Variants in COL19A1 observed in about 807,000 individuals in gnomAD.
The protein encoded by COL19A1 is collagen type XIX alpha 1 chain.
COL19A1 carries 159 observed loss-of-function variants against 190.2 expected under a neutral mutation model. The observed-to-expected ratio is 0.84, with a 90% CI of 0.73 to 0.95. The LOEUF (loss-of-function observed/expected upper bound fraction) is 0.95. Among genes scored for constraint, COL19A1 ranks in the 40% least tolerant of loss-of-function variants. The pLI, the probability that COL19A1 is intolerant of heterozygous loss-of-function variation, is 0.00. For synonymous variants in COL19A1, 509 were observed against 458.9 expected (o/e 1.11, Z -1.39); for missense variants, 1,418 against 1,431.9 (o/e 0.99, Z 0.16).
intron 42 of COL19A1, among the ~76,000 whole-genome samples, chr6:70,177,353 C>T (rs1399197014): frequency 6.6e-6 from 1 of 151,940 alleles, no homozygotes; most frequent in Non-Finnish European, 1.5e-5. Context: ...AAAGGCCCTA[C>T]AATCACCACC....
At chr6:69,984,587 T>C (rs565977223) in intron 11 of COL19A1, among the ~76,000 whole-genome samples, 162 of 152,282 alleles carry the variant, frequency 1.1e-3, no homozygotes, top group African/African-American at 3.6e-3. Flanking sequence ...TTTTTAGTCT[T>C]GTAGCTAAAT....
chr6:70,098,608 CT>C, intron 15 of COL19A1: 2 of 409,204 alleles, frequency 4.9e-6, no homozygotes, highest in Non-Finnish European at 4.7e-6. Context: ...GGTGGCAGGC[CT>C]TAGAGCCACA....
At chr6:70,125,200 G>T (rs976452835) in intron 17 of COL19A1, among the ~76,000 whole-genome samples, 1 of 152,172 alleles carries the variant, frequency 6.6e-6, no homozygotes, top group East Asian at 1.9e-4. Flanking sequence ...AATGGACCAT[G>T]TATTGAGACA....
rs896231529 is a variant in COL19A1 at position 70,067,905 on chromosome 6, C to T, written c.1171-518C>T. ...TGAAAAAAAAAGAATGTTTATTTTC[C>T]CTACCACTTTATATTATTACAAGAA... On this transcript the variant is annotated intron_variant, in intron 14 of 50. Coordinates refer to ENST00000620364, the MANE Select transcript of COL19A1 (RefSeq NM_001858.6). Among the ~76,000 whole-genome samples, 34 of 151,782 alleles carry T rather than the reference C, an allele frequency of 2.2e-4. 1 individual carries two copies. The highest frequency in any genetic ancestry group is 2.1e-4 in the South Asian group (1 of 4,814).
At chr6:70,116,493 T>G (rs1582950441) in intron 16 of COL19A1, among the ~76,000 whole-genome samples, 1 of 152,316 alleles carries the variant, frequency 6.6e-6, no homozygotes, top group East Asian at 1.9e-4. Flanking sequence ...CATAAGCCAC[T>G]ATACTCAATG....
intron 46 of COL19A1, among the ~76,000 whole-genome samples, chr6:70,185,423 T>A (rs2150291546): frequency 6.6e-6 from 1 of 152,172 alleles, no homozygotes; most frequent in South Asian, 2.1e-4. Context: ...GGAAGCAAAA[T>A]CACTGCAATT....
At chr6:69,982,465 T>C (rs930162352) in intron 11 of COL19A1, among the ~76,000 whole-genome samples, 2 of 151,864 alleles carry the variant, frequency 1.3e-5, no homozygotes, top group Non-Finnish European at 1.5e-5. Context: ...GGTCTTGAAC[T>C]CCTGACCTCG....
intron 48 of COL19A1, among the ~76,000 whole-genome samples, chr6:70,196,996 C>T (rs1767238662): frequency 6.6e-6 from 1 of 152,076 alleles, no homozygotes; most frequent in Admixed American, 6.5e-5. Context: ...AAATAATTAT[C>T]TGTTTTGCTA....
intron 14 of COL19A1, among the ~76,000 whole-genome samples, chr6:70,045,642 C>T (rs566129726): frequency 6.6e-6 from 1 of 152,292 alleles, no homozygotes; most frequent in Admixed American, 6.5e-5. Flanking sequence ...TTGCAGTTTG[C>T]ACTGTGTATG....
At chr6:70,020,207 G>A (rs74645477) in intron 11 of COL19A1, among the ~76,000 whole-genome samples, 16,494 of 151,912 alleles carry the variant, frequency 0.11, 919 homozygotes, top group East Asian at 0.2. Context: ...ATATTGCAAC[G>A]CAACACAAAA....
At chr6:70,122,030 C>A in intron 17 of COL19A1, 88 bp downstream of exon 17, 1 of 813,462 alleles carries the variant, frequency 1.2e-6, no homozygotes. Flanking sequence ...TTCCTAACTT[C>A]TCAGACTTTT....
intron 4 of COL19A1, among the ~76,000 whole-genome samples, chr6:69,921,587 CATAGATTCGTATATGTAT>C (rs1315251539): frequency 2.3e-4 from 30 of 130,484 alleles, no homozygotes; most frequent in South Asian, 1.5e-3. Flanking sequence ...TATATTCGCA[CATAGATTCGTATATGTAT>C]ATAGATTCGT....
chr6:70,178,502 G>T (rs541957717), intron 42 of COL19A1, among the ~76,000 whole-genome samples: 27 of 152,300 alleles, frequency 1.8e-4, no homozygotes, highest in African/African-American at 6.0e-4. Context: ...CCCTTCTGCG[G>T]CTCAGAAGAT....
chr6:70,103,290 C>G (rs1390563555), intron 16 of COL19A1, among the ~76,000 whole-genome samples: 1 of 152,128 alleles, frequency 6.6e-6, no homozygotes, highest in Non-Finnish European at 1.5e-5. Context: ...TGTCAACGGC[C>G]TTAGTTTAGA....
intron 35 of COL19A1, among the ~76,000 whole-genome samples, chr6:70,162,959 G>A (rs7756657): frequency 0.22 from 33,820 of 152,080 alleles, 3,949 homozygotes; most frequent in Non-Finnish European, 0.26. Context: ...AACTCAATAT[G>A]CACACTGTTA....
At chr6:69,963,070 G>C (rs968050704) in intron 11 of COL19A1, among the ~76,000 whole-genome samples, 200 bp downstream of exon 11, 3 of 152,020 alleles carry the variant, frequency 2.0e-5, no homozygotes, top group Non-Finnish European at 4.4e-5. Flanking sequence ...TATTTGGATG[G>C]TATTAATAGT....
In COL19A1 at chr6:70,207,248, G is replaced by A. The variant is rs1444321427; in HGVS notation, c.3403G>A (p.Ala1135Thr). ...AGATTGCCTCTATCCTGTGTCTCAT[G>A]CCCATCAGCGCACAGGTGGGAATTG... is the stretch of plus-strand genomic sequence containing the variant. ...PEDCLYPVSH[A>T]HQRTGGN The change falls in exon 51 of 51, where the codon GCC (alanine) becomes ACC (threonine). Residue 1135 changes from alanine to threonine, a missense_variant. Transcript: ENST00000620364. 6.2e-7 allele frequency: 1 copy of A among 1,613,714 alleles called. No homozygotes were observed. The highest frequency in any genetic ancestry group is 8.5e-7 in the Non-Finnish European group (1 of 1,179,930).
chr6:69,977,113 C>T (rs979076751), intron 11 of COL19A1, among the ~76,000 whole-genome samples: 2 of 152,082 alleles, frequency 1.3e-5, no homozygotes, highest in Admixed American at 1.3e-4. Context: ...CACATGCGCA[C>T]GTATGTTTAT....
chr6:69,922,444 G>C (rs1213579252), intron 4 of COL19A1, among the ~76,000 whole-genome samples: 1 of 144,650 alleles, frequency 6.9e-6, no homozygotes, highest in Non-Finnish European at 1.5e-5. Flanking sequence ...TTTTGAACTA[G>C]ATTATAAATT....
Sources: gnomAD v4.1 joint callset for allele counts (sites outside exome capture counted in the v4.1 genomes callset) on GRCh38, gnomAD v4.1.1 for gene constraint, MANE v1.5 for transcripts, NCBI Gene and HGNC (gene_info 2026-07-23, HGNC 2026-07-21) for gene names.